Variants in KCNQ3 observed in about 807,000 individuals in gnomAD.
KCNQ3 encodes the protein potassium voltage-gated channel subfamily Q member 3.
A neutral mutation model predicts 92.5 loss-of-function variants in KCNQ3; 30 were observed. The observed-to-expected ratio is 0.32, with a 90% CI of 0.24 to 0.44. The LOEUF is 0.44. Ranked by LOEUF, KCNQ3 falls within the 20% of genes least tolerant of loss-of-function variation. The pLI is 1.00. For synonymous variants in KCNQ3, 450 were observed against 468.8 expected (o/e 0.96, Z 0.52); for missense variants, 913 against 1,140.3 (o/e 0.80, Z 2.87).
chr8:132,459,736 GT>G (rs113862022), intron 1 of KCNQ3, among the ~76,000 whole-genome samples: 2,670 of 133,380 alleles, frequency 0.02, 26 homozygotes, highest in African/African-American at 0.037. Context: ...TCTTTTTCTT[GT>G]TTTTTTTTTT....
intron 1 of KCNQ3, among the ~76,000 whole-genome samples, chr8:132,244,028 C>A (rs1359223105): frequency 6.6e-6 from 1 of 152,070 alleles, no homozygotes; most frequent in East Asian, 1.9e-4. Context: ...GGTGGGTGTC[C>A]TAGATGTCAT....
At chr8:132,237,539 T>G (rs893430534) in intron 1 of KCNQ3, among the ~76,000 whole-genome samples, 3 of 152,150 alleles carry the variant, frequency 2.0e-5, no homozygotes, top group Admixed American at 1.3e-4. Flanking sequence ...ACTTAGCCAG[T>G]GCACAGCAAC....
In KCNQ3 at chr8:132,267,148, T is replaced by TA. The variant is rs1816007535; in HGVS notation, c.387-80968dup. On this transcript the variant is annotated intron_variant, in intron 1 of 14. Transcript: ENST00000388996. ...CAATTTCCATTGACTGCAGTCATAATACCAAGTGCCACCTTCAAATTCCAC... is the reference window on the plus strand; with the variant it reads ...CAATTTCCATTGACTGCAGTCATAATAACCAAGTGCCACCTTCAAATTCCAC... Among the ~76,000 whole-genome samples the TA allele has an allele frequency of 2.0e-5, 3 of 152,138 alleles. No homozygotes were observed. The South Asian group carries it at 6.2e-4, about 32-fold the overall frequency.
At chr8:132,315,735 A>G (rs773833108) in intron 1 of KCNQ3, among the ~76,000 whole-genome samples, 26 of 145,784 alleles carry the variant, frequency 1.8e-4, no homozygotes, top group Non-Finnish European at 3.5e-4. Context: ...TGTCTGAAAT[A>G]TTTCTAATAA....
At chr8:132,268,893 A>G (rs1816069859) in intron 1 of KCNQ3, among the ~76,000 whole-genome samples, 1 of 152,096 alleles carries the variant, frequency 6.6e-6, no homozygotes, top group South Asian at 2.1e-4. Flanking sequence ...GGCCCATTTG[A>G]TGTTGTCAGT....
chr8:132,293,335 G>C (rs1425810815), intron 1 of KCNQ3, among the ~76,000 whole-genome samples: 2 of 152,102 alleles, frequency 1.3e-5, no homozygotes, highest in African/African-American at 4.8e-5. Context: ...GAGGCAGTTT[G>C]AGGACTGAGC....
At chr8:132,437,187 G>A (rs2130832070) in intron 1 of KCNQ3, among the ~76,000 whole-genome samples, 1 of 151,924 alleles carries the variant, frequency 6.6e-6, no homozygotes, top group Admixed American at 6.5e-5. Flanking sequence ...GCTGAGGCAG[G>A]AGAATGGCGT....
chr8:132,399,427 C>T (rs1820278237), intron 1 of KCNQ3, among the ~76,000 whole-genome samples: 1 of 152,212 alleles, frequency 6.6e-6, no homozygotes, highest in Non-Finnish European at 1.5e-5. Flanking sequence ...CAGTCTTCTA[C>T]TTCCTCTTAT....
intron 1 of KCNQ3, among the ~76,000 whole-genome samples, chr8:132,371,616 A>G (rs890265604): frequency 2.6e-5 from 4 of 152,198 alleles, no homozygotes; most frequent in African/African-American, 9.7e-5. Flanking sequence ...TTGCTCTGTT[A>G]TAAGTGGGGA....
chr8:132,336,326 C>T (rs1189719841), intron 1 of KCNQ3, among the ~76,000 whole-genome samples: 1 of 152,206 alleles, frequency 6.6e-6, no homozygotes, highest in East Asian at 1.9e-4. Flanking sequence ...CATCTAACAC[C>T]TTCCAAGTCA....
At chr8:132,435,007 G>A (rs1009420054) in intron 1 of KCNQ3, among the ~76,000 whole-genome samples, 4 of 152,174 alleles carry the variant, frequency 2.6e-5, no homozygotes, top group African/African-American at 7.2e-5. Flanking sequence ...ACCATAGAAA[G>A]GATTCATTCA....
intron 13 of KCNQ3, 121 bp from the exon 14 acceptor site, chr8:132,132,385 T>G (rs1586753908): frequency 2.6e-6 from 2 of 776,948 alleles, no homozygotes; most frequent in Non-Finnish European, 4.5e-6. Flanking sequence ...TTGTGTGGCA[T>G]AAAAGAGCAC....
intron 1 of KCNQ3, among the ~76,000 whole-genome samples, chr8:132,365,912 T>G (rs118025649): frequency 0.02 from 2,968 of 152,096 alleles, 39 homozygotes; most frequent in Middle Eastern, 0.037. Context: ...TGCCTGTAAG[T>G]CCCAGCTACT....
intron 1 of KCNQ3, among the ~76,000 whole-genome samples, chr8:132,230,187 A>G (rs918554296): frequency 1.3e-5 from 2 of 152,164 alleles, no homozygotes; most frequent in Non-Finnish European, 2.9e-5. Flanking sequence ...TCAGAATCCA[A>G]ACTGGCTCCT....
chr8:132,447,196 C>G lies in KCNQ3; in HGVS notation c.386+32951G>C, dbSNP rs901470651. 5.9e-6 allele frequency: 9 copies of G among 1,535,168 alleles called. 1 individual carries two copies. In the Middle Eastern group the frequency reaches 5.0e-4, roughly 85 times the overall value. On this transcript the variant is annotated intron_variant, in intron 1 of 14. Coordinates refer to ENST00000388996, the MANE Select transcript of KCNQ3 (RefSeq NM_004519.4). ...TATCCCCAAAATGAGAATCCAAAGA[C>G]TTACATCGTGGCGTGTTCTGCAGGC...
chr8:132,140,226 G>A, intron 10 of KCNQ3, 48 bp from the exon 11 acceptor site: 1 of 1,424,436 alleles, frequency 7.0e-7, no homozygotes, highest in South Asian at 1.2e-5. Flanking sequence ...ACCTGGAAAA[G>A]GCTTGGGGAC....
intron 1 of KCNQ3, among the ~76,000 whole-genome samples, chr8:132,434,116 G>A (rs1034852127): frequency 6.7e-6 from 1 of 149,342 alleles, no homozygotes. Flanking sequence ...GCTGAGGCAG[G>A]AGAATGGCGT....
intron 1 of KCNQ3, among the ~76,000 whole-genome samples, chr8:132,351,787 T>G (rs2130705665): frequency 6.6e-6 from 1 of 152,324 alleles, no homozygotes; most frequent in East Asian, 1.9e-4. Context: ...TTTTGCTTCT[T>G]TCCCTGAGAG....
chr8:132,379,672 C>G (rs1402028920), intron 1 of KCNQ3, among the ~76,000 whole-genome samples: 1 of 152,132 alleles, frequency 6.6e-6, no homozygotes, highest in Non-Finnish European at 1.5e-5. Context: ...TTTCATGTAA[C>G]AGGTCCCCTC....
Sources: allele counts gnomAD v4.1 joint callset (sites outside exome capture counted in the v4.1 genomes callset), GRCh38; gene constraint gnomAD v4.1.1; transcripts MANE v1.5; gene names NCBI Gene and HGNC (gene_info 2026-07-23, HGNC 2026-07-21).